DPH6: variants seen among roughly 807,000 people sequenced by gnomAD.
DPH6 encodes the protein diphthamine biosynthesis 6.
DPH6 carries 33 observed loss-of-function variants against 38.2 expected under a neutral mutation model. That is an observed-to-expected ratio of 0.86 (90% CI 0.65 to 1.15). The LOEUF (loss-of-function observed/expected upper bound fraction) is 1.15, where lower values mean the gene tolerates loss of function less well. Among genes scored for constraint, DPH6 ranks in the 50% most tolerant of loss-of-function variants. The pLI, the probability that DPH6 is intolerant of heterozygous loss-of-function variation, is 0.00. For missense variants in DPH6, 325 were observed against 320.0 expected (o/e 1.02, Z -0.12); for synonymous variants, 108 against 103.0 (o/e 1.05, Z -0.30).
chr15:35,428,634 T>A (rs2053597063), intron 5 of DPH6, among the ~76,000 whole-genome samples: 1 of 152,130 alleles, frequency 6.6e-6, no homozygotes, highest in African/African-American at 2.4e-5. Context: ...AAGACCTGTT[T>A]CACTGTATAA....
At chr15:35,434,873 A>G (rs2053676991) in intron 5 of DPH6, among the ~76,000 whole-genome samples, 1 of 152,132 alleles carries the variant, frequency 6.6e-6, no homozygotes, top group Admixed American at 6.5e-5. Context: ...TCCCAGGCTC[A>G]AGTGATCCTC....
chr15:35,214,772 A>G (rs2051403574), downstream of DPH6, among the ~76,000 whole-genome samples: 1 of 152,168 alleles, frequency 6.6e-6, no homozygotes, highest in Admixed American at 6.5e-5. Flanking sequence ...ACATCCGGCT[A>G]ATTTTTTGTA....
intron 3 of DPH6, among the ~76,000 whole-genome samples, chr15:35,459,348 A>G (rs2054034562): frequency 6.6e-6 from 1 of 152,134 alleles, no homozygotes; most frequent in Non-Finnish European, 1.5e-5. Flanking sequence ...TCTTACAAGG[A>G]TACTAATTCT....
At chr15:35,389,438 G>C (rs939325575) in intron 6 of DPH6, among the ~76,000 whole-genome samples, 5 of 152,092 alleles carry the variant, frequency 3.3e-5, no homozygotes, top group Non-Finnish European at 7.4e-5. Flanking sequence ...GTTGACAGTG[G>C]GGTGTTAAAG....
intron 4 of DPH6, among the ~76,000 whole-genome samples, chr15:35,453,506 G>A (rs533277559): frequency 2.1e-4 from 32 of 152,230 alleles, no homozygotes; most frequent in African/African-American, 7.5e-4. Flanking sequence ...TCTAATGTCT[G>A]GCTTAAGGGA....
At chr15:35,392,756 G>C (rs953116956) in intron 6 of DPH6, among the ~76,000 whole-genome samples, 2 of 152,184 alleles carry the variant, frequency 1.3e-5, no homozygotes, top group African/African-American at 4.8e-5. Flanking sequence ...AATCTAAAAG[G>C]AAGCTAAAAG....
intron 3 of DPH6, among the ~76,000 whole-genome samples, chr15:35,315,133 C>T (rs892015304): frequency 1.3e-5 from 2 of 152,136 alleles, no homozygotes; most frequent in African/African-American, 4.8e-5. Flanking sequence ...CAACACCTGA[C>T]CTCATGTCGC....
chr15:35,188,237 T>C, the DPH6 span, among the ~76,000 whole-genome samples: 1 of 152,078 alleles, frequency 6.6e-6, no homozygotes, highest in African/African-American at 2.4e-5. Context: ...GTTGGCTGAG[T>C]GGGCTCACCT....
chr15:35,256,701 T>C (rs1412968083), intron 3 of DPH6, among the ~76,000 whole-genome samples: 2 of 152,036 alleles, frequency 1.3e-5, no homozygotes, highest in African/African-American at 4.8e-5. Flanking sequence ...TGCAGGACTG[T>C]AGGGTGGGTC....
At chr15:35,511,150 G>A (rs889566204) in intron 3 of DPH6, among the ~76,000 whole-genome samples, 1 of 152,130 alleles carries the variant, frequency 6.6e-6, no homozygotes, top group Admixed American at 6.5e-5. Context: ...ATCCCCAAAT[G>A]ATCTGTTTGC....
chr15:35,228,228 TCCC>T (rs1327006094), intron 3 of DPH6, among the ~76,000 whole-genome samples: 1 of 152,142 alleles, frequency 6.6e-6, no homozygotes, highest in Non-Finnish European at 1.5e-5. Context: ...TTAAAAAGTG[TCCC>T]CCAACTTTTA....
intron 3 of DPH6, among the ~76,000 whole-genome samples, chr15:35,277,579 G>T (rs576586451): frequency 6.6e-6 from 1 of 152,262 alleles, no homozygotes; most frequent in South Asian, 2.1e-4. Context: ...GAAGAGTCTG[G>T]AGGTCTGAGA....
At chr15:35,469,445 CTAAG>C (rs1248000083) in intron 3 of DPH6, among the ~76,000 whole-genome samples, 4 of 152,032 alleles carry the variant, frequency 2.6e-5, no homozygotes, top group African/African-American at 9.7e-5. Flanking sequence ...CTAAAGAAAT[CTAAG>C]TAAGAAATGA....
chr15:35,363,849 G>A (rs1242629997), intron 3 of DPH6, among the ~76,000 whole-genome samples: 1 of 151,720 alleles, frequency 6.6e-6, no homozygotes, highest in Non-Finnish European at 1.5e-5. Flanking sequence ...ATCTATGAGG[G>A]TTACTATGAA....
chr15:35,241,330 C>G (rs2051597345), intron 3 of DPH6, among the ~76,000 whole-genome samples: 1 of 142,368 alleles, frequency 7.0e-6, no homozygotes, highest in Non-Finnish European at 1.5e-5. Context: ...AGGTTAAGTC[C>G]GTCCCGTTCT....
At chr15:35,543,861 G>A (rs1018544467) in intron 1 of DPH6, among the ~76,000 whole-genome samples, 10 of 152,154 alleles carry the variant, frequency 6.6e-5, no homozygotes, top group Admixed American at 6.5e-4. Context: ...AAAAAGATAT[G>A]ACTAATTGTT....
chr15:35,533,077 A>G (rs920490411), intron 3 of DPH6, among the ~76,000 whole-genome samples: 5 of 151,002 alleles, frequency 3.3e-5, no homozygotes, highest in African/African-American at 1.2e-4. Context: ...ATTGTGCTCC[A>G]GCCTGGGTGA....
At position 35,508,638 on chromosome 15, in the gene DPH6, C is replaced by T. The variant is rs77634850; in HGVS notation, c.312+29636G>A. Among the ~76,000 whole-genome samples, 474 of 152,198 alleles carry T rather than the reference C, an allele frequency of 3.1e-3. 3 individuals are homozygous for T. The East Asian group carries it at 0.035, about 11-fold the overall frequency. ...ATACCTAATCTTGAGCAAGGTAGGG[C>T]TATTTTTTAGCAATAGGATACACAT... is the stretch of plus-strand genomic sequence containing the variant. On this transcript the variant is annotated intron_variant, in intron 3 of 8. Coordinates refer to ENST00000256538, the MANE Select transcript of DPH6 (RefSeq NM_080650.4).
downstream of DPH6, among the ~76,000 whole-genome samples, chr15:35,213,842 G>A (rs1443456982): frequency 1.3e-5 from 2 of 152,220 alleles, no homozygotes; most frequent in African/African-American, 4.8e-5. Context: ...GCCGGGCGCG[G>A]TGGCTCACGC....
Sources: gnomAD v4.1 joint callset for allele counts (sites outside exome capture counted in the v4.1 genomes callset) on GRCh38, gnomAD v4.1.1 for gene constraint, MANE v1.5 for transcripts, NCBI Gene and HGNC (gene_info 2026-07-23, HGNC 2026-07-21) for gene names.